Variants in C12orf42 observed in about 807,000 individuals in gnomAD.
C12orf42 encodes the protein chromosome 12 open reading frame 42, also known as uncharacterized protein C12orf42.
Under a neutral mutation model 21.6 loss-of-function variants are expected in C12orf42, and 25 were observed. The ratio of observed to expected loss-of-function variants is 1.16; its 90% confidence interval spans 0.84 to 1.62. The LOEUF (loss-of-function observed/expected upper bound fraction) is 1.62. Ranked by LOEUF, C12orf42 falls within the 40% of genes most tolerant of loss-of-function variation. The pLI is 0.00. For missense variants in C12orf42, 483 were observed against 459.3 expected, an observed-to-expected ratio of 1.05 and a Z score of -0.47; for synonymous variants, 174 against 175.0, an observed-to-expected ratio of 0.99 and a Z score of 0.05.
rs563288256 is a variant in C12orf42, at chr12:103,437,258, G to A, written c.79-35583C>T. 1.5e-4 allele frequency among the ~76,000 whole-genome samples: 23 copies of A among 152,284 alleles called. 2 individuals carry two copies. In the South Asian group the frequency reaches 4.8e-3, roughly 32 times the overall value. On this transcript the variant is annotated intron_variant, in intron 2 of 5. Coordinates refer to ENST00000548883, the MANE Select transcript of C12orf42 (RefSeq NM_198521.5). The stretch of plus-strand genomic sequence containing the variant: ...ATCTCTGGGATGCATTCAAAGCAGT[G>A]TGTAGAGGGAAATTTATAGCACTAA...
intron 2 of C12orf42, among the ~76,000 whole-genome samples, chr12:103,458,125 C>T (rs945789383): frequency 1.3e-5 from 2 of 152,154 alleles, no homozygotes; most frequent in African/African-American, 2.4e-5. Flanking sequence ...ATTCTCCAAG[C>T]ACATCCATGC....
chr12:103,464,602 G>A (rs539906617), intron 2 of C12orf42, among the ~76,000 whole-genome samples: 12 of 152,160 alleles, frequency 7.9e-5, no homozygotes, highest in Admixed American at 2.0e-4. Flanking sequence ...TGCTTTTGTT[G>A]CAATTGTTTT....
chr12:103,246,601 T>C (rs763069048), intron 10 of C12orf42, among the ~76,000 whole-genome samples: 22 of 152,066 alleles, frequency 1.4e-4, no homozygotes, highest in Non-Finnish European at 2.8e-4. Flanking sequence ...TTCCAAATAT[T>C]GGAAATGAAG....
At chr12:103,105,125 G>A in the C12orf42 span, among the ~76,000 whole-genome samples, 6 of 152,226 alleles carry the variant, frequency 3.9e-5, no homozygotes, top group East Asian at 9.7e-4. Context: ...ATTGTACACT[G>A]TATAGAGACT....
intron 2 of C12orf42, among the ~76,000 whole-genome samples, chr12:103,435,622 G>A (rs1046041119): frequency 2.6e-5 from 4 of 152,076 alleles, no homozygotes; most frequent in East Asian, 1.9e-4. Flanking sequence ...CTCAGGAGCC[G>A]ATGCGATCAA....
In C12orf42 at chr12:103,289,603, CTAAT is replaced by C. The variant is rs1278565509; in HGVS notation, n.338-12397_338-12394del. Among the ~76,000 whole-genome samples, 6 of 152,128 alleles carry C rather than the reference CTAAT, an allele frequency of 3.9e-5. No homozygotes were observed. The East Asian group carries it at 1.2e-3, about 29-fold the overall frequency. On this transcript the variant is annotated intron_variant and non_coding_transcript_variant, in intron 4 of 6. Coordinates refer to the C12orf42 transcript ENST00000546526. ...AAAATGTTCCAAAATAGCAAATTGG[CTAAT>C]TAAATTATACTACAATGATGCAATA...
chr12:103,222,341 G>GC, the C12orf42 span, among the ~76,000 whole-genome samples: 1 of 152,106 alleles, frequency 6.6e-6, no homozygotes, highest in African/African-American at 2.4e-5. Context: ...CAGTGGGGGT[G>GC]CTTTTTGAGC....
At chr12:103,533,418 C>T in the C12orf42 span, among the ~76,000 whole-genome samples, 1 of 152,276 alleles carries the variant, frequency 6.6e-6, no homozygotes, top group African/African-American at 2.4e-5. Context: ...TTTTGGTCCT[C>T]ATGGGTCTCA....
chr12:103,525,348 AAAG>A, the C12orf42 span, among the ~76,000 whole-genome samples: 1 of 149,240 alleles, frequency 6.7e-6, no homozygotes, highest in Non-Finnish European at 1.5e-5. Flanking sequence ...CTGGAATCTT[AAAG>A]AAGCTGAGTG....
chr12:103,247,009 TTA>T (rs1434101784), intron 10 of C12orf42, among the ~76,000 whole-genome samples: 1 of 152,054 alleles, frequency 6.6e-6, no homozygotes, highest in African/African-American at 2.4e-5. Flanking sequence ...TTGCAATAAT[TTA>T]TTTCATTTTA....
chr12:103,137,581 T>C, the C12orf42 span, among the ~76,000 whole-genome samples: 4,658 of 152,304 alleles, frequency 0.031, 169 homozygotes, highest in African/African-American at 0.087. Context: ...CCCATGTTTA[T>C]CACAGCACTA....
intron 1 of C12orf42, among the ~76,000 whole-genome samples, chr12:103,482,861 T>G (rs984837616): frequency 2.0e-5 from 3 of 152,132 alleles, no homozygotes; most frequent in Non-Finnish European, 2.9e-5. Flanking sequence ...TCCAGTTCAT[T>G]AAACTCTTCT....
chr12:103,081,672 C>T, the C12orf42 span: 15 of 152,040 alleles, frequency 9.9e-5, no homozygotes, highest in East Asian at 1.9e-4. Context: ...CTCTCTATTC[C>T]GAAGGCATTA....
chr12:103,452,322 A>G (rs557730737), intron 2 of C12orf42, among the ~76,000 whole-genome samples: 1 of 152,234 alleles, frequency 6.6e-6, no homozygotes, highest in Admixed American at 6.5e-5. Flanking sequence ...GCACACCATC[A>G]CTTCCACCAC....
chr12:103,427,636 C>T (rs1949946583), intron 2 of C12orf42, among the ~76,000 whole-genome samples: 1 of 152,228 alleles, frequency 6.6e-6, no homozygotes, highest in South Asian at 2.1e-4. Context: ...ACTTAACAGA[C>T]ATCTACAGAA....
the C12orf42 span, among the ~76,000 whole-genome samples, chr12:103,202,991 T>C: frequency 6.6e-6 from 1 of 152,218 alleles, no homozygotes; most frequent in African/African-American, 2.4e-5. Context: ...CACTACACCA[T>C]TGAGGATGAC....
At chr12:103,217,997 C>A in the C12orf42 span, among the ~76,000 whole-genome samples, 1 of 152,046 alleles carries the variant, frequency 6.6e-6, no homozygotes, top group African/African-American at 2.4e-5. Flanking sequence ...AAACGAAATC[C>A]TCGGCCAGGC....
intron 10 of C12orf42, among the ~76,000 whole-genome samples, chr12:103,241,900 T>A (rs996590119): frequency 2.0e-5 from 3 of 152,178 alleles, no homozygotes; most frequent in African/African-American, 7.2e-5. Flanking sequence ...AGAATGATTT[T>A]AAAATAAATG....
intron 1 of C12orf42, among the ~76,000 whole-genome samples, chr12:103,494,117 C>A (rs1955357009): frequency 6.6e-6 from 1 of 152,144 alleles, no homozygotes; most frequent in African/African-American, 2.4e-5. Context: ...ATAAAACAAC[C>A]CTCTCTTAGG....
Sources: allele counts gnomAD v4.1 joint callset (sites outside exome capture counted in the v4.1 genomes callset), GRCh38; gene constraint gnomAD v4.1.1; transcripts MANE v1.5; gene names NCBI Gene and HGNC (gene_info 2026-07-23, HGNC 2026-07-21).